CYLC2: variants seen among roughly 807,000 people sequenced by gnomAD.
CYLC2 encodes the protein cylicin 2.
A neutral mutation model predicts 26.1 loss-of-function variants in CYLC2; 30 were observed. That is an observed-to-expected ratio of 1.15 (90% CI 0.86 to 1.56). The LOEUF (loss-of-function observed/expected upper bound fraction) is 1.56, where lower values mean the gene tolerates loss of function less well. Among genes scored for constraint, CYLC2 ranks in the 40% most tolerant of loss-of-function variants. CYLC2 has a pLI of 0.00. For missense variants in CYLC2, 498 were observed against 394.4 expected, an observed-to-expected ratio of 1.26 and a Z score of -2.23; for synonymous variants, 158 against 132.8, an observed-to-expected ratio of 1.19 and a Z score of -1.31.
chr9:103,014,684 ATATGTAATAT>A lies in CYLC2; in HGVS notation c.*817-2203_*817-2194del, dbSNP rs1470551357. ...ACCATATGTATATTATGCAGTATAC[ATATGTAATAT>A]ACGTATGTATATTATGCAATATACA... On this transcript the variant is annotated intron_variant, in intron 6 of 7. Transcript: ENST00000374798. 5.9e-4 allele frequency among the ~76,000 whole-genome samples: 79 copies of A among 133,466 alleles called. 1 individual carries two copies. The highest frequency in any genetic ancestry group is 8.0e-4 in the Admixed American group (10 of 12,526). The allele number at this position is 133,466 out of a possible 152,430, so 87.6% of individuals were successfully genotyped here. A position where few individuals can be genotyped will look rare whatever the true frequency, so the allele number is the denominator to read the frequency against.
At position 103,004,969 on chromosome 9, in the gene CYLC2, A is replaced by G. The variant is rs148161201; in HGVS notation, c.338A>G (p.Glu113Gly). ...GAAATATTTGAATATTTATCCCCAG[A>G]AATTGGTAAGAAAGGTGAAGACAAG... ...RTVEVDSKAA[E>G]IGKKGEDKTT... Residue 113 changes from glutamate to glycine, a missense_variant and splice_region_variant, in exon 5 of 8, where the codon GAA becomes GGA. Transcript: ENST00000374798. 2 of 1,579,174 alleles carry G rather than the reference A, an allele frequency of 1.3e-6. No homozygotes were observed. The highest frequency in any genetic ancestry group is 1.7e-6 in the Non-Finnish European group (2 of 1,170,752).
chr9:103,007,057 T>A (rs1829359604), intron 5 of CYLC2, among the ~76,000 whole-genome samples: 1 of 152,110 alleles, frequency 6.6e-6, no homozygotes, highest in African/African-American at 2.4e-5. Flanking sequence ...ATTAAATAAA[T>A]TTAAAATAAT....
chr9:103,003,845 G>A (rs1025043885), intron 3 of CYLC2, among the ~76,000 whole-genome samples: 2 of 151,900 alleles, frequency 1.3e-5, no homozygotes, highest in African/African-American at 4.8e-5. Context: ...CCTCAGTTCT[G>A]TAATATAGAA....
intron 6 of CYLC2, among the ~76,000 whole-genome samples, chr9:103,013,234 TATAAC>T (rs1829432033): frequency 1.1e-5 from 1 of 93,610 alleles, no homozygotes; most frequent in African/African-American, 4.0e-5. Context: ...ATTATAAACA[TATAAC>T]ATGTAAATAT....
At chr9:103,011,621 G>A (rs1829407697) in intron 5 of CYLC2, among the ~76,000 whole-genome samples, 1 of 151,874 alleles carries the variant, frequency 6.6e-6, no homozygotes, top group Non-Finnish European at 1.5e-5. Flanking sequence ...ATTCCAAAAG[G>A]GCTCAACTTT....
chr9:103,009,658 T>C (rs1564099375), intron 5 of CYLC2, among the ~76,000 whole-genome samples: 2 of 152,122 alleles, frequency 1.3e-5, no homozygotes. Context: ...ATAGTAGGTC[T>C]TATTCATTTT....
intron 3 of CYLC2, 121 bp from the exon 4 acceptor site, chr9:103,004,574 C>A: frequency 2.9e-6 from 2 of 701,568 alleles, no homozygotes; most frequent in Non-Finnish European, 4.3e-6. Context: ...TCAAACTTCC[C>A]CATTTTTTAA....
In CYLC2 at chr9:103,004,823, T is replaced by C. The variant is rs751268360; in HGVS notation, c.309T>C (p.Arg103=). 8.7e-6 allele frequency: 14 copies of C among 1,612,226 alleles called. No individual in the cohort carries two copies. Among genetic ancestry groups the C allele is most frequent in the Non-Finnish European group, 6.8e-6 (8 of 1,179,526 alleles). The change falls in exon 4 of 8, where the codon CGT becomes CGC. Residue 103 remains arginine, a synonymous_variant. Transcript: ENST00000374798. The part of the protein sequence containing the change: ...AARRQPLKPT[R]TVEVDSKAAE... ...GGAGGCAGCCTCTCAAACCAACTCG[T>C]ACTGTCGAGGTGGATTCTAAAGCAG...
chr9:103,014,311 AT>A (rs1264138631), intron 6 of CYLC2, among the ~76,000 whole-genome samples: 1 of 134,458 alleles, frequency 7.4e-6, no homozygotes, highest in Non-Finnish European at 1.5e-5. Context: ...TATATATTAC[AT>A]TGTATATATT....
chr9:102,999,563 A>C (rs1829268352), intron 1 of CYLC2, among the ~76,000 whole-genome samples: 1 of 152,014 alleles, frequency 6.6e-6, no homozygotes, highest in East Asian at 1.9e-4. Flanking sequence ...AAGGAAAGAC[A>C]GTCAATATTC....
intron 2 of CYLC2, among the ~76,000 whole-genome samples, chr9:103,002,044 T>G (rs890411596): frequency 2.6e-5 from 4 of 152,132 alleles, no homozygotes; most frequent in African/African-American, 9.6e-5. Flanking sequence ...ACTTCAAATA[T>G]CAAGTATTTT....
At chr9:103,003,350 T>A in intron 3 of CYLC2, 87 bp downstream of exon 3, 3 of 1,188,802 alleles carry the variant, frequency 2.5e-6, no homozygotes, top group Non-Finnish European at 3.5e-6. Flanking sequence ...ATAATTAGTC[T>A]TAAGTAATCA....
intron 5 of CYLC2, among the ~76,000 whole-genome samples, chr9:103,009,490 C>T (rs2211278): frequency 0.73 from 110,900 of 151,970 alleles, 40,846 homozygotes; most frequent in South Asian, 0.93. Flanking sequence ...AGGAATGGTA[C>T]TATCAGAGAC....
At chr9:103,013,622 T>C (rs1829443980) in intron 6 of CYLC2, among the ~76,000 whole-genome samples, 1 of 112,388 alleles carries the variant, frequency 8.9e-6, no homozygotes, top group Non-Finnish European at 1.6e-5. Flanking sequence ...ATATATAATA[T>C]GTTATATAGA....
intron 1 of CYLC2, among the ~76,000 whole-genome samples, chr9:102,995,872 G>A (rs10121466): frequency 0.75 from 113,355 of 151,650 alleles, 42,868 homozygotes; most frequent in East Asian, 1. Flanking sequence ...CTGAATACTA[G>A]TGGTATCCCT....
intron 3 of CYLC2, among the ~76,000 whole-genome samples, chr9:103,004,267 T>C (rs10122386): frequency 1.3e-5 from 2 of 152,056 alleles, no homozygotes; most frequent in Non-Finnish European, 2.9e-5. Context: ...CCAGAGACTC[T>C]GAAAATGAAA....
chr9:103,014,175 T>C (rs1829458676), intron 6 of CYLC2, among the ~76,000 whole-genome samples: 1 of 121,558 alleles, frequency 8.2e-6, no homozygotes, highest in African/African-American at 3.3e-5. Flanking sequence ...GAATATTATA[T>C]ATCTCATATA....
intron 7 of CYLC2, among the ~76,000 whole-genome samples, chr9:103,017,479 T>C (rs1829519317): frequency 6.6e-6 from 1 of 152,038 alleles, no homozygotes; most frequent in African/African-American, 2.4e-5. Context: ...CTGAATAAAT[T>C]GATCTGAAAT....
chr9:102,996,588 C>T (rs986471609), intron 1 of CYLC2, among the ~76,000 whole-genome samples: 1 of 151,500 alleles, frequency 6.6e-6, no homozygotes, highest in African/African-American at 2.4e-5. Context: ...TAGCATATTT[C>T]TTTGAGTTCA....
Sources: gnomAD v4.1 joint callset for allele counts (sites outside exome capture counted in the v4.1 genomes callset) on GRCh38, gnomAD v4.1.1 for gene constraint, MANE v1.5 for transcripts, NCBI Gene and HGNC (gene_info 2026-07-23, HGNC 2026-07-21) for gene names.